VSNL1: variants seen among roughly 807,000 people sequenced by gnomAD.
VSNL1 encodes visinin-like protein 1.
Under a neutral mutation model 20.4 loss-of-function variants are expected in VSNL1, and 6 were observed. The ratio of observed to expected loss-of-function variants is 0.29; its 90% CI spans 0.16 to 0.58. VSNL1 has a LOEUF of 0.58. Among genes scored for constraint, VSNL1 ranks in the 20% least tolerant of loss-of-function variants. VSNL1 has a pLI of 0.90. For synonymous variants in VSNL1, 93 were observed against 86.4 expected, an observed-to-expected ratio of 1.08 and a Z score of -0.42; for missense variants, 100 against 234.5, an observed-to-expected ratio of 0.43 and a Z score of 3.75.
intron 1 of VSNL1, among the ~76,000 whole-genome samples, chr2:17,566,196 T>C (rs181746793): frequency 4.6e-5 from 7 of 152,338 alleles, no homozygotes; most frequent in Non-Finnish European, 1.0e-4. Flanking sequence ...TTTCTTTTTT[T>C]GCTATTACAA....
chr2:17,654,788 A>G (rs147473866), intron 3 of VSNL1, among the ~76,000 whole-genome samples: 234 of 152,256 alleles, frequency 1.5e-3, no homozygotes, highest in Admixed American at 6.6e-3. Flanking sequence ...CTCCAGCTTC[A>G]TCTTTCAACA....
intron 2 of VSNL1, among the ~76,000 whole-genome samples, chr2:17,605,229 G>C (rs1347650646): frequency 1.3e-5 from 2 of 152,252 alleles, no homozygotes; most frequent in Admixed American, 6.5e-5. Flanking sequence ...ACTGCTGTCT[G>C]ATTATGCAGC....
intron 2 of VSNL1, among the ~76,000 whole-genome samples, chr2:17,613,360 C>A (rs944574653): frequency 5.3e-5 from 8 of 152,142 alleles, no homozygotes; most frequent in African/African-American, 1.9e-4. Context: ...CAGTGAAATT[C>A]CTGGAAAAAT....
chr2:17,560,853 G>A (rs1663796737), intron 1 of VSNL1, among the ~76,000 whole-genome samples: 2 of 152,202 alleles, frequency 1.3e-5, no homozygotes. Flanking sequence ...GTACCATAAT[G>A]CCTGGTCCAT....
intron 2 of VSNL1, among the ~76,000 whole-genome samples, chr2:17,594,740 AG>A (rs1049073819): frequency 6.6e-6 from 1 of 152,178 alleles, no homozygotes; most frequent in Non-Finnish European, 1.5e-5. Flanking sequence ...TCCAGGAGGA[AG>A]TCAACTCGGT....
intron 1 of VSNL1, among the ~76,000 whole-genome samples, chr2:17,551,896 TAA>T (rs34475496): frequency 3.4e-4 from 40 of 116,760 alleles, no homozygotes; most frequent in African/African-American, 8.9e-4. Context: ...GCAATTTTGT[TAA>T]AAAAAAAAAA....
At chr2:17,592,640 CTTTTTTT>C (rs55756596) in intron 2 of VSNL1, among the ~76,000 whole-genome samples, 1,598 of 70,850 alleles carry the variant, frequency 0.023, 140 homozygotes, top group Non-Finnish European at 0.027. Flanking sequence ...CTCTCTCTCT[CTTTTTTT>C]TTTTTTTTTT....
chr2:17,561,507 A>G (rs1663814227), intron 1 of VSNL1, among the ~76,000 whole-genome samples: 1 of 152,228 alleles, frequency 6.6e-6, no homozygotes, highest in Non-Finnish European at 1.5e-5. Context: ...TCTTCCAAGC[A>G]GTATTAAGCA....
intron 2 of VSNL1, among the ~76,000 whole-genome samples, chr2:17,592,809 G>A (rs550456005): frequency 6.6e-6 from 1 of 151,864 alleles, no homozygotes; most frequent in Non-Finnish European, 1.5e-5. Flanking sequence ...ACTCAACACT[G>A]TACACTACTC....
intron 3 of VSNL1, among the ~76,000 whole-genome samples, chr2:17,654,100 G>T (rs946288119): frequency 2.6e-5 from 4 of 152,068 alleles, no homozygotes; most frequent in Non-Finnish European, 2.9e-5. Flanking sequence ...TATCCTATTT[G>T]TTTACAGTTG....
At chr2:17,577,134 A>G (rs932957159) in intron 1 of VSNL1, among the ~76,000 whole-genome samples, 4 of 152,234 alleles carry the variant, frequency 2.6e-5, no homozygotes, top group African/African-American at 9.6e-5. Flanking sequence ...TAAACATGGA[A>G]AATGTACAGT....
intron 2 of VSNL1, among the ~76,000 whole-genome samples, chr2:17,629,454 G>A (rs946548255): frequency 1.2e-4 from 18 of 152,208 alleles, no homozygotes; most frequent in African/African-American, 3.9e-4. Context: ...TGAGATCTAA[G>A]CTATAGCAAT....
At chr2:17,612,346 G>A (rs893501826) in intron 2 of VSNL1, among the ~76,000 whole-genome samples, 1 of 152,190 alleles carries the variant, frequency 6.6e-6, no homozygotes, top group African/African-American at 2.4e-5. Context: ...CTCCCTAAGT[G>A]CTCCACAGTG....
Position 17,552,363 on chromosome 2 carries a change from G to A in VSNL1, c.-6+11445G>A, listed in dbSNP as rs557392198. Among the ~76,000 whole-genome samples, 181 of 152,188 alleles carry A rather than the reference G, an allele frequency of 1.2e-3. 1 individual carries two copies. Among genetic ancestry groups the A allele is most frequent in the African/African-American group, 4.2e-3 (176 of 41,512 alleles). ...TCTGAGATGAAAGTAATTTGCCCAAGGTCACATAGATATTAAGTGATAAAT... is the reference window on the plus strand; with the variant it reads ...TCTGAGATGAAAGTAATTTGCCCAAAGTCACATAGATATTAAGTGATAAAT... On this transcript the variant is annotated intron_variant, in intron 1 of 3. Coordinates refer to ENST00000295156, the MANE Select transcript of VSNL1 (RefSeq NM_003385.5).
chr2:17,611,374 G>T (rs1466585651), intron 2 of VSNL1, among the ~76,000 whole-genome samples: 3 of 152,244 alleles, frequency 2.0e-5, no homozygotes, highest in African/African-American at 7.2e-5. Context: ...TTGAGCCTCA[G>T]TTACTTCATC....
chr2:17,617,439 T>C (rs1200429400), intron 2 of VSNL1, among the ~76,000 whole-genome samples: 3 of 151,862 alleles, frequency 2.0e-5, no homozygotes, highest in Non-Finnish European at 4.4e-5. Context: ...GAGGTTGTAG[T>C]GAGCCATGAT....
chr2:17,604,463 G>T (rs1664899958), intron 2 of VSNL1, among the ~76,000 whole-genome samples: 1 of 152,246 alleles, frequency 6.6e-6, no homozygotes, highest in Admixed American at 6.5e-5. Flanking sequence ...AGAGCTGCCT[G>T]CCCTGAGCCC....
chr2:17,541,987 A>G (rs760667103), intron 1 of VSNL1, among the ~76,000 whole-genome samples: 8 of 152,228 alleles, frequency 5.3e-5, no homozygotes, highest in Non-Finnish European at 7.3e-5. Context: ...TTTGGAAACT[A>G]AAATAAAATA....
At chr2:17,595,210 C>T (rs1365091303) in intron 2 of VSNL1, among the ~76,000 whole-genome samples, 1 of 152,224 alleles carries the variant, frequency 6.6e-6, no homozygotes, top group Non-Finnish European at 1.5e-5. Context: ...AGCACAGGGC[C>T]TGCCACGGAG....
Sources: allele counts gnomAD v4.1 joint callset (sites outside exome capture counted in the v4.1 genomes callset), GRCh38; gene constraint gnomAD v4.1.1; transcripts MANE v1.5; gene names NCBI Gene and HGNC (gene_info 2026-07-23, HGNC 2026-07-21).